Variants in HMGXB3 observed in about 807,000 individuals in gnomAD.
HMGXB3 encodes the protein HMG domain-containing protein 3.
A neutral mutation model predicts 121.5 loss-of-function variants in HMGXB3; 45 were observed. The observed-to-expected ratio is 0.37, with a 90% confidence interval of 0.29 to 0.47. The LOEUF (loss-of-function observed/expected upper bound fraction) is 0.47. Among genes scored for constraint, HMGXB3 ranks in the 20% least tolerant of loss-of-function variants. The pLI, the probability that HMGXB3 is intolerant of heterozygous loss-of-function variation, is 0.99. For synonymous variants in HMGXB3, 590 were observed against 624.1 expected (o/e 0.95, Z 0.81); for missense variants, 1,376 against 1,602.2 (o/e 0.86, Z 2.41).
chr5:150,030,601 A>C (rs943426650), intron 9 of HMGXB3, 140 bp from the exon 10 acceptor site: 1 of 637,238 alleles, frequency 1.6e-6, no homozygotes, highest in African/African-American at 1.8e-5. Flanking sequence ...GTGACTGCCA[A>C]CTGGCAGTCC....
chr5:150,001,685 G>T (rs17110766), intron 1 of HMGXB3, among the ~76,000 whole-genome samples: 13,665 of 151,784 alleles, frequency 0.09, 2,039 homozygotes, highest in African/African-American at 0.31. Flanking sequence ...GCCTTTTTTT[G>T]CATTGCTATA....
At chr5:150,010,651 T>C in intron 4 of HMGXB3, 43 bp downstream of exon 4, 1 of 1,516,442 alleles carries the variant, frequency 6.6e-7, no homozygotes, top group Non-Finnish European at 8.9e-7. Flanking sequence ...TGTCTGGAGT[T>C]ACTTAAAGGG....
At chr5:150,047,800 A>G in intron 17 of HMGXB3, 43 bp downstream of exon 17, 1 of 1,548,612 alleles carries the variant, frequency 6.5e-7, no homozygotes, top group African/African-American at 1.4e-5. Flanking sequence ...CTTCTGGAGT[A>G]GGCTGATTGG....
rs115653402 is a variant in HMGXB3, at chr5:150,024,067, A to G, written c.1042-195A>G. ...TATTCAAACGAAGGCATTTAATGCT[A>G]TAGTGAAAGGAACCTGTAGCCAGAA... On this transcript the variant is annotated intron_variant, in intron 6 of 19. Transcript: ENST00000502717. Among the ~76,000 whole-genome samples, 309 of 152,380 alleles carry G rather than the reference A, an allele frequency of 2.0e-3. 1 individual carries two copies. The highest frequency in any genetic ancestry group is 7.1e-3 in the African/African-American group (295 of 41,592).
chr5:150,052,194 C>G lies in HMGXB3; in HGVS notation c.*2C>G. The G allele has an allele frequency of 6.5e-7, 1 of 1,538,274 alleles. No individual in the cohort carries two copies. Among genetic ancestry groups the G allele is most frequent in the African/African-American group, 1.4e-5 (1 of 73,016 alleles). ...GAGGTGGCCGCAGTGGCAGAATAAGCCAGGCTGTTGTACAGGGACTACACC... is the reference window on the plus strand; with the variant it reads ...GAGGTGGCCGCAGTGGCAGAATAAGGCAGGCTGTTGTACAGGGACTACACC... On this transcript the variant is annotated 3_prime_UTR_variant, in exon 20 of 20. Coordinates refer to ENST00000502717, the MANE Select transcript of HMGXB3 (RefSeq NM_014983.3).
Position 150,000,932 on chromosome 5 carries a change from G to A in HMGXB3, c.-250G>A. 1.3e-5 allele frequency: 2 copies of A among 154,910 alleles called. No individual in the cohort carries two copies. The highest frequency in any genetic ancestry group is 1.0e-3 in the Middle Eastern group (2 of 1,916). The allele number at this position is 154,910 out of a possible 1,614,324, so 9.6% of individuals were successfully genotyped here. On this transcript the variant is annotated 5_prime_UTR_variant, in exon 1 of 20. Transcript: ENST00000502717. ...GGACCCCATATCGCGACTCCGAGGAGGGGAAGCGAGAGGGGCTGTCGCGAC... is the reference window on the plus strand; with the variant it reads ...GGACCCCATATCGCGACTCCGAGGAAGGGAAGCGAGAGGGGCTGTCGCGAC...
intron 1 of HMGXB3, among the ~76,000 whole-genome samples, chr5:150,002,642 A>G (rs866925980): frequency 1.4e-4 from 21 of 152,248 alleles, no homozygotes; most frequent in African/African-American, 5.1e-4. Context: ...ACTTGTGGTA[A>G]AAGTCCAATT....
intron 5 of HMGXB3, chr5:150,015,194 C>T (rs773750906): frequency 2.2e-4 from 58 of 268,500 alleles, no homozygotes; most frequent in South Asian, 7.6e-4. Flanking sequence ...GCCATGGTCA[C>T]GTGTGTTCTT....
rs1756864606 is a variant in HMGXB3, at chr5:150,050,476, G to A, written c.3411+15G>A. The A allele has an allele frequency of 1.3e-6, 2 of 1,535,830 alleles. No individual in the cohort carries two copies. The highest frequency in any genetic ancestry group is 1.4e-5 in the African/African-American group (1 of 72,828). ...AGCCACCTGTGGTGAGTCACCTCCTGAGGAACTGCCATGTCTCCTCAAGCC... is the reference window on the plus strand; with the variant it reads ...AGCCACCTGTGGTGAGTCACCTCCTAAGGAACTGCCATGTCTCCTCAAGCC... On this transcript the variant is annotated intron_variant, in intron 19 of 19. Transcript: ENST00000502717.
At chr5:150,017,171 A>G (rs1755978436) in intron 5 of HMGXB3, among the ~76,000 whole-genome samples, 1 of 152,132 alleles carries the variant, frequency 6.6e-6, no homozygotes, top group Non-Finnish European at 1.5e-5. Context: ...GAACATTAGC[A>G]CTTTTTTTCC....
intron 18 of HMGXB3, among the ~76,000 whole-genome samples, chr5:150,049,450 T>G (rs1193758309): frequency 6.6e-6 from 1 of 151,954 alleles, no homozygotes; most frequent in African/African-American, 2.4e-5. Context: ...GAGAGGTGGC[T>G]TATCAGAGCC....
intron 19 of HMGXB3, among the ~76,000 whole-genome samples, 175 bp from the exon 20 acceptor site, chr5:150,051,550 T>G (rs1029581998): frequency 6.6e-6 from 1 of 152,182 alleles, no homozygotes; most frequent in Non-Finnish European, 1.5e-5. Context: ...TTACTGTCCC[T>G]GTTCTCACAT....
chr5:150,012,391 T>C (rs1425776601), intron 5 of HMGXB3, 38 bp downstream of exon 5: 1 of 1,357,654 alleles, frequency 7.4e-7, no homozygotes, highest in Non-Finnish European at 1.0e-6. Flanking sequence ...GCAATTAGGG[T>C]GTCATAAGCA....
At chr5:150,015,876 G>A (rs914196993) in intron 5 of HMGXB3, among the ~76,000 whole-genome samples, 5 of 152,104 alleles carry the variant, frequency 3.3e-5, no homozygotes, top group African/African-American at 1.2e-4. Context: ...ATTGAGACTT[G>A]TCTTACGGCC....
At chr5:150,027,187 T>G in intron 9 of HMGXB3, 70 bp downstream of exon 9, 1 of 1,221,446 alleles carries the variant, frequency 8.2e-7, no homozygotes, top group Non-Finnish European at 1.2e-6. Context: ...ATCAAAGCTA[T>G]AGGTAAAGGC....
intron 10 of HMGXB3, among the ~76,000 whole-genome samples, chr5:150,031,374 C>G (rs1756374341): frequency 6.6e-6 from 1 of 152,226 alleles, no homozygotes; most frequent in South Asian, 2.1e-4. Flanking sequence ...TTGGGATCAC[C>G]CTTTTGTAGG....
At chr5:150,051,576 C>T (rs1756897961) in intron 19 of HMGXB3, 149 bp from the exon 20 acceptor site, 1 of 629,382 alleles carries the variant, frequency 1.6e-6, no homozygotes. Flanking sequence ...AATGGAGGCA[C>T]TGGCGGGCAG....
chr5:150,008,087 A>C (rs972376175), intron 3 of HMGXB3, among the ~76,000 whole-genome samples: 1 of 151,714 alleles, frequency 6.6e-6, no homozygotes, highest in Admixed American at 6.6e-5. Flanking sequence ...ACACACACAC[A>C]CACACACACA....
intron 2 of HMGXB3, among the ~76,000 whole-genome samples, chr5:150,005,455 C>T (rs1755674217): frequency 1.3e-5 from 2 of 151,860 alleles, no homozygotes; most frequent in African/African-American, 2.4e-5. Context: ...CAAAATTAGC[C>T]GGGCGTGGTG....
Sources: allele counts gnomAD v4.1 joint callset (sites outside exome capture counted in the v4.1 genomes callset), GRCh38; gene constraint gnomAD v4.1.1; transcripts MANE v1.5; gene names NCBI Gene and HGNC (gene_info 2026-07-23, HGNC 2026-07-21).